Variants in PIK3C3 observed in about 807,000 individuals in gnomAD.
The protein encoded by PIK3C3 is phosphatidylinositol 3-kinase catalytic subunit type 3.
A neutral mutation model predicts 126.1 loss-of-function variants in PIK3C3; 95 were observed. The observed-to-expected ratio is 0.75, with a 90% CI of 0.64 to 0.89. PIK3C3 has a LOEUF of 0.89. PIK3C3 is among the 40% of genes least tolerant of loss of function. The probability of loss-of-function intolerance (pLI) is 0.00; values close to 1 mark genes in which losing one functional copy is unlikely to be tolerated. For missense variants in PIK3C3, 829 were observed against 1,063.2 expected (o/e 0.78, Z 3.06); for synonymous variants, 374 against 360.0 (o/e 1.04, Z -0.44).
rs373697038 is a variant in PIK3C3 at position 42,066,282 on chromosome 18, G to A, written c.2524-1106G>A. Among the ~76,000 whole-genome samples, 16 of 152,286 alleles carry A rather than the reference G, an allele frequency of 1.1e-4. No individual in the cohort carries two copies. In the East Asian group the frequency reaches 1.5e-3, roughly 15 times the overall value. ...GATCACCTGGTATACCTCCAGTACAGTGAAGAGACAAGGGCACTGAGCTGG... is the reference window on the plus strand; with the variant it reads ...GATCACCTGGTATACCTCCAGTACAATGAAGAGACAAGGGCACTGAGCTGG... On this transcript the variant is annotated intron_variant, in intron 23 of 24. Coordinates refer to ENST00000262039, the MANE Select transcript of PIK3C3 (RefSeq NM_002647.4).
At chr18:42,008,666 A>G (rs977653158) in intron 10 of PIK3C3, among the ~76,000 whole-genome samples, 1 of 152,022 alleles carries the variant, frequency 6.6e-6, no homozygotes, top group African/African-American at 2.4e-5. Context: ...ATTGCCTGAG[A>G]TGGAAGCCTG....
intron 11 of PIK3C3, among the ~76,000 whole-genome samples, chr18:42,014,784 G>GTTA (rs1040900397): frequency 6.6e-6 from 1 of 152,064 alleles, no homozygotes; most frequent in Non-Finnish European, 1.5e-5. Context: ...TATGATTATG[G>GTTA]TTATGCTATG....
intron 13 of PIK3C3, among the ~76,000 whole-genome samples, chr18:42,021,939 T>C (rs934883464): frequency 2.0e-5 from 3 of 152,222 alleles, no homozygotes; most frequent in Non-Finnish European, 4.4e-5. Flanking sequence ...GAACCAGTAC[T>C]TTTGAATAAT....
chr18:42,076,350 T>C (rs1006889007), intron 24 of PIK3C3, among the ~76,000 whole-genome samples: 1 of 151,954 alleles, frequency 6.6e-6, no homozygotes, highest in East Asian at 1.9e-4. Context: ...ATTTAAATTA[T>C]CTTTTAACTT....
chr18:42,085,695 A>G lies in PIK3C3; in HGVS notation c.*4558A>G, dbSNP rs1476614460. The G allele has an allele frequency of 6.6e-6, 1 of 152,222 alleles. No individual in the cohort carries two copies. Among genetic ancestry groups the G allele is most frequent in the Non-Finnish European group, 1.5e-5 (1 of 68,038 alleles). 9.4% of individuals were successfully genotyped at this position (152,222 alleles called of 1,614,324 possible). On this transcript the variant is annotated 3_prime_UTR_variant, in exon 25 of 25. Transcript: ENST00000262039. ...TGATTTATCTAAAATAGAAGTTAAC[A>G]TAGCATCCCAGTATTGCCATTCTAA...
chr18:42,063,079 CGT>C (rs1354395449), intron 22 of PIK3C3, among the ~76,000 whole-genome samples: 6 of 152,144 alleles, frequency 3.9e-5, no homozygotes, highest in Non-Finnish European at 8.8e-5. Flanking sequence ...TGCCTATCAA[CGT>C]GTGTTACTCC....
At chr18:42,076,049 C>T (rs1985958817) in intron 24 of PIK3C3, among the ~76,000 whole-genome samples, 1 of 139,598 alleles carries the variant, frequency 7.2e-6, no homozygotes, top group African/African-American at 2.7e-5. Context: ...GTAGATAACC[C>T]GTGTGCAGTT....
At chr18:42,045,456 A>G (rs1984520003) in intron 20 of PIK3C3, among the ~76,000 whole-genome samples, 1 of 152,212 alleles carries the variant, frequency 6.6e-6, no homozygotes, top group Admixed American at 6.5e-5. Context: ...TCCAAGATGG[A>G]TCACTCACAT....
At chr18:42,026,131 CA>C (rs1469253242) in intron 13 of PIK3C3, 1 of 152,052 alleles carries the variant, frequency 6.6e-6, no homozygotes, top group Non-Finnish European at 1.5e-5. Flanking sequence ...TTAGTAAAAT[CA>C]AAAAAGTCTG....
chr18:42,044,585 T>A (rs1984477004), intron 20 of PIK3C3, among the ~76,000 whole-genome samples: 1 of 151,964 alleles, frequency 6.6e-6, no homozygotes, highest in Admixed American at 6.6e-5. Flanking sequence ...TTGGATGATT[T>A]TTTTGTATTT....
chr18:41,972,977 C>CAG (rs961720720), intron 4 of PIK3C3, among the ~76,000 whole-genome samples: 2 of 152,022 alleles, frequency 1.3e-5, no homozygotes, highest in Non-Finnish European at 2.9e-5. Flanking sequence ...TACTGCGAGT[C>CAG]AGAGTTTTGG....
At chr18:41,957,847 G>A in intron 2 of PIK3C3, 89 bp downstream of exon 2, 1 of 1,006,696 alleles carries the variant, frequency 9.9e-7, no homozygotes, top group South Asian at 1.7e-5. Flanking sequence ...GGATTATAGA[G>A]GAATTTCTTA....
intron 6 of PIK3C3, among the ~76,000 whole-genome samples, chr18:41,992,838 T>C (rs146583020): frequency 4.6e-4 from 70 of 152,260 alleles, no homozygotes; most frequent in Non-Finnish European, 7.6e-4. Context: ...TTATGATACC[T>C]TGAAAAATTA....
intron 3 of PIK3C3, among the ~76,000 whole-genome samples, chr18:41,965,845 T>C (rs1369613667): frequency 2.0e-5 from 3 of 152,224 alleles, no homozygotes; most frequent in Non-Finnish European, 4.4e-5. Context: ...GCACTTGTTC[T>C]ACTTTAAAAA....
chr18:42,012,107 G>GT (rs1982852237), intron 10 of PIK3C3, among the ~76,000 whole-genome samples: 1 of 151,896 alleles, frequency 6.6e-6, no homozygotes, highest in Non-Finnish European at 1.5e-5. Context: ...ACAAAGACAT[G>GT]GAGTGAATGC....
At chr18:42,042,852 A>C (rs28708684) in intron 19 of PIK3C3, among the ~76,000 whole-genome samples, 11,934 of 152,258 alleles carry the variant, frequency 0.078, 902 homozygotes, top group East Asian at 0.25. Flanking sequence ...GCCAAACTTC[A>C]AACTCTTCGT....
chr18:41,961,149 TG>T (rs1980064021), intron 2 of PIK3C3, among the ~76,000 whole-genome samples: 1 of 152,206 alleles, frequency 6.6e-6, no homozygotes, highest in Non-Finnish European at 1.5e-5. Context: ...TCATTGGTGT[TG>T]TCTGGTAGTC....
intron 21 of PIK3C3, 48 bp downstream of exon 21, chr18:42,049,653 T>C: frequency 7.4e-7 from 1 of 1,353,000 alleles, no homozygotes. Context: ...ATGCCCATGG[T>C]TTTTACCCCT....
chr18:42,038,427 T>C (rs1984156089), intron 17 of PIK3C3, among the ~76,000 whole-genome samples: 1 of 152,016 alleles, frequency 6.6e-6, no homozygotes, highest in Admixed American at 6.6e-5. Flanking sequence ...CTGCAACCTC[T>C]GCCCCCTGGG....
Sources: allele counts gnomAD v4.1 joint callset (sites outside exome capture counted in the v4.1 genomes callset), GRCh38; gene constraint gnomAD v4.1.1; transcripts MANE v1.5; gene names NCBI Gene and HGNC (gene_info 2026-07-23, HGNC 2026-07-21).